BMPR1B: variants seen among roughly 807,000 people sequenced by gnomAD.
BMPR1B encodes the protein bone morphogenetic protein receptor type 1B, also known as bone morphogenetic protein receptor type-1B.
In BMPR1B, 12 loss-of-function variants were observed where a neutral mutation model predicts 59.1. The ratio of observed to expected loss-of-function variants is 0.20; its 90% CI spans 0.13 to 0.33. The LOEUF (loss-of-function observed/expected upper bound fraction) is 0.33. BMPR1B is among the 10% of genes least tolerant of loss of function. BMPR1B has a pLI of 1.00. For synonymous variants in BMPR1B, 237 were observed against 207.3 expected (o/e 1.14, Z -1.23); for missense variants, 550 against 610.9 (o/e 0.90, Z 1.05).
chr4:94,801,088 C>T (rs1183722511), intron 1 of BMPR1B, among the ~76,000 whole-genome samples: 1 of 152,162 alleles, frequency 6.6e-6, no homozygotes, highest in Non-Finnish European at 1.5e-5. Context: ...CACCCAAGTG[C>T]CGTGGAATTG....
chr4:94,967,507 G>A (rs937863683), intron 2 of BMPR1B, among the ~76,000 whole-genome samples: 1 of 150,634 alleles, frequency 6.6e-6, no homozygotes, highest in Admixed American at 6.6e-5. Context: ...TCTTGAGATG[G>A]AGTCTTGCTC....
At chr4:94,808,995 C>T (rs1302805425) in intron 1 of BMPR1B, among the ~76,000 whole-genome samples, 1 of 152,036 alleles carries the variant, frequency 6.6e-6, no homozygotes, top group African/African-American at 2.4e-5. Context: ...CTGGAGGTTG[C>T]AATGAGCCAA....
chr4:94,899,333 GACTTTTCAGGCCACTACA>G (rs935583878), intron 2 of BMPR1B, among the ~76,000 whole-genome samples: 31 of 148,706 alleles, frequency 2.1e-4, no homozygotes, highest in African/African-American at 7.6e-4. Flanking sequence ...ATTAGGACCT[GACTTTTCAGGCCACTACA>G]ACTTTTCAGG....
At chr4:94,993,655 G>A (rs1458023588) in intron 2 of BMPR1B, among the ~76,000 whole-genome samples, 1 of 151,342 alleles carries the variant, frequency 6.6e-6, no homozygotes, top group African/African-American at 2.4e-5. Flanking sequence ...TAGCTACTTG[G>A]GAGGCCTAGG....
chr4:94,942,947 A>G (rs779305912), intron 2 of BMPR1B, among the ~76,000 whole-genome samples: 7 of 152,324 alleles, frequency 4.6e-5, no homozygotes, highest in Middle Eastern at 3.4e-3. Flanking sequence ...TTGCTTATTC[A>G]TGGCGGTGTT....
chr4:94,850,676 A>G (rs6828354), intron 1 of BMPR1B, among the ~76,000 whole-genome samples: 92,474 of 151,992 alleles, frequency 0.61, 29,015 homozygotes, highest in African/African-American at 0.76. Flanking sequence ...TCAGGTTAAT[A>G]ACCCCTGCCT....
At chr4:94,947,240 C>G (rs1242825034) in intron 2 of BMPR1B, among the ~76,000 whole-genome samples, 1 of 152,114 alleles carries the variant, frequency 6.6e-6, no homozygotes, top group Admixed American at 6.5e-5. Flanking sequence ...GAAGGAAATT[C>G]CAAGGACAAC....
intron 1 of BMPR1B, among the ~76,000 whole-genome samples, chr4:94,760,939 C>T (rs1453075701): frequency 6.6e-6 from 1 of 152,260 alleles, no homozygotes; most frequent in East Asian, 1.9e-4. Flanking sequence ...TTGAAAGAGT[C>T]TTAGCATGTC....
At chr4:94,874,009 T>G (rs7685361) in intron 1 of BMPR1B, among the ~76,000 whole-genome samples, 44,249 of 151,992 alleles carry the variant, frequency 0.29, 8,029 homozygotes, top group African/African-American at 0.51. Flanking sequence ...TCATGTAAGT[T>G]GAATCATACA....
chr4:95,090,890 A>G (rs1417423011), intron 3 of BMPR1B, among the ~76,000 whole-genome samples: 1 of 151,722 alleles, frequency 6.6e-6, no homozygotes, highest in African/African-American at 2.4e-5. Flanking sequence ...TAATAAAAAG[A>G]TAGAAATAAT....
Position 94,993,436 on chromosome 4 carries a change from A to G in BMPR1B, c.-112-2604A>G, listed in dbSNP as rs535382504. ...AGTCATAGAAAATTTAACATTAAAA[A>G]TTCAACTAATGCATTAAATTTGTAT... is the stretch of plus-strand genomic sequence containing the variant. On this transcript the variant is annotated intron_variant, in intron 2 of 12. Coordinates refer to ENST00000515059, the MANE Select transcript of BMPR1B (RefSeq NM_001203.3). Among the ~76,000 whole-genome samples, 359 of 152,300 alleles carry G rather than the reference A, an allele frequency of 2.4e-3. 2 individuals carry two copies. The highest frequency in any genetic ancestry group is 8.1e-3 in the African/African-American group (336 of 41,568).
chr4:95,092,420 A>G (rs894715367), intron 3 of BMPR1B, among the ~76,000 whole-genome samples: 11 of 152,122 alleles, frequency 7.2e-5, no homozygotes, highest in Non-Finnish European at 1.6e-4. Context: ...TCTTAAAACT[A>G]TGATGGCTTT....
chr4:94,999,658 A>G (rs899810582), intron 3 of BMPR1B, among the ~76,000 whole-genome samples: 1 of 152,212 alleles, frequency 6.6e-6, no homozygotes, highest in Non-Finnish European at 1.5e-5. Flanking sequence ...CTAGCAAACT[A>G]AAGACAGTGT....
intron 2 of BMPR1B, among the ~76,000 whole-genome samples, chr4:94,892,597 C>G (rs917286728): frequency 9.9e-5 from 15 of 151,894 alleles, no homozygotes; most frequent in African/African-American, 1.7e-4. Context: ...TTCTATAACC[C>G]AGTAAAGAAG....
chr4:94,769,336 C>T (rs943327659), intron 1 of BMPR1B, among the ~76,000 whole-genome samples: 19 of 152,254 alleles, frequency 1.2e-4, no homozygotes, highest in Admixed American at 8.5e-4. Flanking sequence ...TGAGGCCGGG[C>T]GCGGTGGCTC....
chr4:95,081,450 G>A (rs112773819), intron 3 of BMPR1B, among the ~76,000 whole-genome samples: 1 of 152,160 alleles, frequency 6.6e-6, no homozygotes. Context: ...ACAGTTGACA[G>A]TATTTATTGC....
chr4:95,045,280 T>C (rs1293494015), intron 3 of BMPR1B, among the ~76,000 whole-genome samples: 2 of 152,236 alleles, frequency 1.3e-5, no homozygotes, highest in Non-Finnish European at 2.9e-5. Context: ...AAAACTTTAT[T>C]AGTTTCCCTT....
intron 2 of BMPR1B, among the ~76,000 whole-genome samples, chr4:94,948,825 G>A (rs116361211): frequency 0.043 from 6,483 of 152,152 alleles, 348 homozygotes; most frequent in African/African-American, 0.12. Context: ...CTGGCTTTGC[G>A]TATAGATAGA....
chr4:94,816,392 T>G (rs1385789592), intron 1 of BMPR1B, among the ~76,000 whole-genome samples: 1 of 152,152 alleles, frequency 6.6e-6, no homozygotes. Context: ...GGTCTCGAAC[T>G]CCTGACCTCG....
Sources: gnomAD v4.1 joint callset for allele counts (sites outside exome capture counted in the v4.1 genomes callset) on GRCh38, gnomAD v4.1.1 for gene constraint, MANE v1.5 for transcripts, NCBI Gene and HGNC (gene_info 2026-07-23, HGNC 2026-07-21) for gene names.